The following ATIC variants were observed in gnomAD, a reference collection of about 807,000 sequenced individuals.
The protein encoded by ATIC is bifunctional purine biosynthesis protein ATIC.
Under a neutral mutation model 72.5 loss-of-function variants are expected in ATIC, and 64 were observed. The observed-to-expected ratio is 0.88, with a 90% CI of 0.72 to 1.09. The LOEUF is 1.09. Ranked by LOEUF, ATIC falls within the 50% of genes least tolerant of loss-of-function variation. ATIC has a pLI of 0.00. For missense variants in ATIC, 787 were observed against 732.4 expected (o/e 1.07, Z -0.86); for synonymous variants, 281 against 267.1 (o/e 1.05, Z -0.51).
intron 1 of ATIC, 81 bp downstream of exon 1, chr2:215,312,242 C>A: frequency 6.9e-7 from 1 of 1,451,728 alleles, no homozygotes; most frequent in Non-Finnish European, 9.0e-7. Context: ...GCCGGCGGGA[C>A]CCGGCACTGC....
intron 5 of ATIC, 45 bp from the exon 6 acceptor site, chr2:215,325,942 C>T (rs1254656462): frequency 3.1e-6 from 5 of 1,604,386 alleles, no homozygotes; most frequent in Middle Eastern, 1.6e-4. Flanking sequence ...GGTTCATAAG[C>T]TGATAGGGAC....
chr2:215,347,204 T>G, intron 14 of ATIC: 1 of 476,072 alleles, frequency 2.1e-6, no homozygotes, highest in Non-Finnish European at 3.8e-6. Context: ...TTTGTATATT[T>G]GTACTTCCCC....
rs1382040614 is a variant in ATIC at position 215,318,148 on chromosome 2, GT to G, written c.147-4del. ...ACCAGTAGTACCATTCTGTTTATCT[GT>G]TTTTCAGAGATGTCTCTGAGTTGAC... On this transcript the variant is annotated splice_region_variant and splice_polypyrimidine_tract_variant and intron_variant, in intron 2 of 15. Coordinates refer to ENST00000236959, the MANE Select transcript of ATIC (RefSeq NM_004044.7). 1.2e-6 allele frequency: 2 copies of G among 1,612,840 alleles called. No homozygotes were observed. Among genetic ancestry groups the G allele is most frequent in the Non-Finnish European group, 1.7e-6 (2 of 1,178,984 alleles).
chr2:215,358,530 C>T, the ATIC span, among the ~76,000 whole-genome samples: 2 of 152,186 alleles, frequency 1.3e-5, no homozygotes, highest in South Asian at 4.2e-4. Flanking sequence ...AAAGTGTCAG[C>T]TGACACAAAG....
rs186631613 is a variant in ATIC, at chr2:215,320,905, T to G, written c.290+1174T>G. On this transcript the variant is annotated intron_variant, in intron 4 of 15. Transcript: ENST00000236959. The stretch of plus-strand genomic sequence containing the variant: ...TGCCCGGCTCTGTTAAACAACCAGC[T>G]CTACATGAACTCAGAGTGAGGACTC... Among the ~76,000 whole-genome samples the G allele has an allele frequency of 3.0e-3, 461 of 152,028 alleles. 4 individuals are homozygous for G. The highest frequency in any genetic ancestry group is 0.01 in the African/African-American group (433 of 41,464).
intron 14 of ATIC, chr2:215,347,625 A>G (rs1226925827): frequency 2.0e-6 from 1 of 491,238 alleles, no homozygotes; most frequent in Non-Finnish European, 4.0e-6. Context: ...ATTCAGGAGC[A>G]GGAATCAACA....
rs1198170721 is a variant in ATIC, at chr2:215,336,233, ATAGT to A, written c.1098+111_1098+114del. 4 of 883,622 alleles carry A rather than the reference ATAGT, an allele frequency of 4.5e-6. No homozygotes were observed. In the Admixed American group the frequency reaches 8.2e-5, roughly 18 times the overall value. The allele number at this position is 883,622 out of a possible 1,614,324, so 54.7% of individuals were successfully genotyped here. A position where few individuals can be genotyped will look rare whatever the true frequency, so the allele number is the denominator to read the frequency against. On this transcript the variant is annotated intron_variant, in intron 11 of 15. Transcript: ENST00000236959. ...CATACCCTTCTAGTTTATCCTTATT[ATAGT>A]TTATTTTCCCCAATCCTGCATTTAA... is the stretch of plus-strand genomic sequence containing the variant.
At chr2:215,318,294 A>T in intron 3 of ATIC, 61 bp downstream of exon 3, 1 of 1,449,090 alleles carries the variant, frequency 6.9e-7, no homozygotes, top group Non-Finnish European at 9.7e-7. Context: ...ATTTTAGTTG[A>T]TAGCGTCCTA....
chr2:215,334,634 G>C (rs747129554), intron 9 of ATIC, among the ~76,000 whole-genome samples: 9 of 152,208 alleles, frequency 5.9e-5, no homozygotes, highest in African/African-American at 2.2e-4. Context: ...GCAGTGGTCA[G>C]CAACTTCAGC....
intron 12 of ATIC, among the ~76,000 whole-genome samples, chr2:215,343,441 G>T (rs2053040805): frequency 6.6e-6 from 1 of 151,896 alleles, no homozygotes; most frequent in Admixed American, 6.6e-5. Context: ...GGTTCAAGTG[G>T]TTCTCCTGTC....
chr2:215,338,748 T>A (rs987328009), intron 11 of ATIC, 31 bp from the exon 12 acceptor site: 2 of 1,608,690 alleles, frequency 1.2e-6, no homozygotes, highest in Non-Finnish European at 8.5e-7. Context: ...AGTGGAGAGA[T>A]TAACTTTAAC....
chr2:215,354,107 A>G (rs12992068), downstream of ATIC, among the ~76,000 whole-genome samples: 39,416 of 151,960 alleles, frequency 0.26, 6,019 homozygotes, highest in South Asian at 0.47. Flanking sequence ...CACTCACCAC[A>G]GCCTCTGCCT....
At chr2:215,332,022 T>A (rs2052900198) in intron 7 of ATIC, among the ~76,000 whole-genome samples, 2 of 152,204 alleles carry the variant, frequency 1.3e-5, no homozygotes, top group African/African-American at 4.8e-5. Flanking sequence ...ATCTTAGTTC[T>A]GTATTTACAT....
rs756675930 is a variant in ATIC at position 215,349,075 on chromosome 2, T to C, written c.1504-19T>C. 6.2e-7 allele frequency: 1 copy of C among 1,614,040 alleles called. No individual in the cohort carries two copies. Among genetic ancestry groups the C allele is most frequent in the Non-Finnish European group, 8.5e-7 (1 of 1,179,954 alleles). On this transcript the variant is annotated intron_variant, in intron 14 of 15. Transcript: ENST00000236959. Reference sequence around the variant, plus strand: ...GACGATGTCAGACCAAGCTTCTTCCTTTCTCTCTCCCCGCATAGGATGAAG... The same window carrying C: ...GACGATGTCAGACCAAGCTTCTTCCCTTCTCTCTCCCCGCATAGGATGAAG...
chr2:215,335,294 C>G (rs1429583990), intron 10 of ATIC, among the ~76,000 whole-genome samples: 1 of 152,006 alleles, frequency 6.6e-6, no homozygotes, highest in African/African-American at 2.4e-5. Context: ...TTCTGAAGAG[C>G]AGAAGTTGTA....
the ATIC span, chr2:215,367,592 A>G: frequency 2.2e-6 from 1 of 458,724 alleles, no homozygotes; most frequent in African/African-American, 2.0e-5. Context: ...TTTTCACAGA[A>G]AATTTCAAAA....
At chr2:215,326,707 C>A in intron 6 of ATIC, 115 bp from the exon 7 acceptor site, 1 of 1,275,256 alleles carries the variant, frequency 7.8e-7, no homozygotes, top group South Asian at 1.2e-5. Flanking sequence ...TGTTGTGCAG[C>A]CACCACATAG....
At chr2:215,321,430 C>T (rs998401330) in intron 4 of ATIC, among the ~76,000 whole-genome samples, 3 of 152,134 alleles carry the variant, frequency 2.0e-5, no homozygotes, top group African/African-American at 7.2e-5. Flanking sequence ...ATGAATAATG[C>T]AGCTATAAAT....
the ATIC span, chr2:215,364,700 T>C: frequency 1.6e-6 from 1 of 632,012 alleles, no homozygotes; most frequent in South Asian, 1.8e-5. Flanking sequence ...ATGAATGGCA[T>C]GTAAGGTAGA....
Sources: gnomAD v4.1 joint callset for allele counts (sites outside exome capture counted in the v4.1 genomes callset) on GRCh38, gnomAD v4.1.1 for gene constraint, MANE v1.5 for transcripts, NCBI Gene and HGNC (gene_info 2026-07-23, HGNC 2026-07-21) for gene names.